ITSN1: variants seen among roughly 807,000 people sequenced by gnomAD.
The protein encoded by ITSN1 is intersectin 1.
A neutral mutation model predicts 239.8 loss-of-function variants in ITSN1; 58 were observed. The observed-to-expected ratio is 0.24, with a 90% CI of 0.20 to 0.30. The LOEUF is 0.30. ITSN1 is among the 10% of genes least tolerant of loss of function. ITSN1 has a pLI of 1.00. For missense variants in ITSN1, 1,558 were observed against 2,103.3 expected, an observed-to-expected ratio of 0.74 and a Z score of 5.07; for synonymous variants, 780 against 770.8, an observed-to-expected ratio of 1.01 and a Z score of -0.20.
At chr21:33,814,991 G>T (rs1469399429) in intron 22 of ITSN1, among the ~76,000 whole-genome samples, 2 of 152,198 alleles carry the variant, frequency 1.3e-5, no homozygotes, top group Non-Finnish European at 2.9e-5. Flanking sequence ...TGAGAATAAG[G>T]GCCCACCTTA....
rs1336511693 is a variant in ITSN1 at position 33,892,479 on chromosome 21, T to A, written c.*4179T>A. On this transcript the variant is annotated 3_prime_UTR_variant, in exon 40 of 40. Transcript: ENST00000381318. ...GACCAAATGCTTGTGTTTCTCTATG[T>A]TTTCAGTTCATTTGTTCAAATGACC... The A allele has an allele frequency of 1.3e-5, 2 of 152,244 alleles. No individual in the cohort carries two copies. Among genetic ancestry groups the A allele is most frequent in the African/African-American group, 4.8e-5 (2 of 41,448 alleles). The allele number at this position is 152,244 out of a possible 1,614,324, so 9.4% of individuals were successfully genotyped here. A position where few individuals can be genotyped will look rare whatever the true frequency, so the allele number is the denominator to read the frequency against.
At chr21:33,849,260 A>G (rs907857523) in intron 29 of ITSN1, among the ~76,000 whole-genome samples, 1 of 150,182 alleles carries the variant, frequency 6.7e-6, no homozygotes, top group African/African-American at 2.5e-5. Context: ...AAGAACAACA[A>G]CAACAAGAAA....
chr21:33,862,358 A>G (rs193143285), intron 31 of ITSN1, among the ~76,000 whole-genome samples: 1 of 152,290 alleles, frequency 6.6e-6, no homozygotes, highest in East Asian at 1.9e-4. Flanking sequence ...TCTTCTTTTT[A>G]ACTTAAGAAG....
intron 5 of ITSN1, among the ~76,000 whole-genome samples, chr21:33,745,776 G>A (rs572194758): frequency 6.6e-6 from 1 of 152,268 alleles, no homozygotes; most frequent in Non-Finnish European, 1.5e-5. Flanking sequence ...TCCTGAACTC[G>A]TGGTCATGGC....
chr21:33,741,499 C>T (rs2066844838), intron 5 of ITSN1, among the ~76,000 whole-genome samples: 1 of 151,718 alleles, frequency 6.6e-6, no homozygotes, highest in Admixed American at 6.6e-5. Flanking sequence ...GTAAACCAGT[C>T]ATCTAGATGA....
chr21:33,861,912 C>T (rs1260372873), intron 31 of ITSN1, among the ~76,000 whole-genome samples: 1 of 146,620 alleles, frequency 6.8e-6, no homozygotes, highest in African/African-American at 2.5e-5. Flanking sequence ...CACCACTGCA[C>T]TCCAGCCTGG....
chr21:33,849,051 G>A (rs1031037941), intron 29 of ITSN1, among the ~76,000 whole-genome samples: 4 of 152,152 alleles, frequency 2.6e-5, no homozygotes, highest in Admixed American at 6.5e-5. Context: ...GACCAGCCCG[G>A]CCAACATGGT....
At chr21:33,777,984 T>C (rs1370872398) in intron 14 of ITSN1, among the ~76,000 whole-genome samples, 1 of 152,198 alleles carries the variant, frequency 6.6e-6, no homozygotes, top group Non-Finnish European at 1.5e-5. Flanking sequence ...TTATGATGAA[T>C]GGGTGTTGAA....
At chr21:33,835,485 A>C (rs1019176608) in intron 28 of ITSN1, among the ~76,000 whole-genome samples, 1 of 152,236 alleles carries the variant, frequency 6.6e-6, no homozygotes, top group Non-Finnish European at 1.5e-5. Flanking sequence ...GTGCAGACTC[A>C]TCTGAAGTAG....
chr21:33,871,727 G>A (rs1482500849), intron 33 of ITSN1, among the ~76,000 whole-genome samples: 1 of 146,846 alleles, frequency 6.8e-6, no homozygotes, highest in African/African-American at 2.5e-5. Context: ...GCGACAGAGC[G>A]AGACTCAGTC....
At chr21:33,660,156 G>C (rs2089442458) in intron 1 of ITSN1, among the ~76,000 whole-genome samples, 1 of 152,122 alleles carries the variant, frequency 6.6e-6, no homozygotes, top group African/African-American at 2.4e-5. Flanking sequence ...TGCTCTTAAT[G>C]GTTGCTGCTT....
At chr21:33,750,083 A>G in intron 5 of ITSN1, 60 bp from the exon 6 acceptor site, 3 of 1,474,286 alleles carry the variant, frequency 2.0e-6, no homozygotes, top group Non-Finnish European at 2.8e-6. Context: ...TGGGTTAATT[A>G]TTATTCAGTG....
In ITSN1 at chr21:33,818,413, G is replaced by C. The variant is rs751833996; in HGVS notation, c.2874G>C (p.Lys958Asn). Residue 958 changes from lysine (K) to asparagine (N), a missense_variant, in exon 23 of 40, where the codon AAG becomes AAC. Coordinates refer to ENST00000381318, the MANE Select transcript of ITSN1 (RefSeq NM_003024.3). ...MWWFGEVQGQ[K>N]GWFPKSYVKL... ...GGTTTGGAGAAGTTCAAGGTCAGAAGGGTTGGTTCCCCAAGTCTTACGTGA... is the reference window on the plus strand; with the variant it reads ...GGTTTGGAGAAGTTCAAGGTCAGAACGGTTGGTTCCCCAAGTCTTACGTGA... 1 of 1,614,198 alleles carries C rather than the reference G, an allele frequency of 6.2e-7. No individual in the cohort carries two copies. Among genetic ancestry groups the C allele is most frequent in the South Asian group, 1.1e-5 (1 of 91,090 alleles).
rs2087478003 is a variant in ITSN1, at chr21:33,642,527, A to T, written c.-219A>T. ...TAGAGAAGAGTGGAGGCGCCAGGGGAGGGAGCGTAGCTTGGTTGCTCCGTA... is the reference window on the plus strand; with the variant it reads ...TAGAGAAGAGTGGAGGCGCCAGGGGTGGGAGCGTAGCTTGGTTGCTCCGTA... On this transcript the variant is annotated 5_prime_UTR_variant, in exon 1 of 40. Transcript: ENST00000381318. 6.5e-6 allele frequency: 1 copy of T among 152,746 alleles called. No homozygotes were observed. Among genetic ancestry groups the T allele is most frequent in the African/African-American group, 2.4e-5 (1 of 41,338 alleles). 9.5% of individuals were successfully genotyped at this position (152,746 alleles called of 1,614,324 possible).
Position 33,856,758 on chromosome 21 carries a change from G to A in ITSN1, c.3684G>A (p.Leu1228=), listed in dbSNP as rs1979417424. 6.2e-7 allele frequency: 1 copy of A among 1,613,890 alleles called. No individual in the cohort carries two copies. The highest frequency in any genetic ancestry group is 8.5e-7 in the Non-Finnish European group (1 of 1,179,984). The change falls in exon 30 of 40, where the codon TTG becomes TTA. Residue 1228 remains leucine (L), a synonymous_variant. Coordinates refer to ENST00000381318, the MANE Select transcript of ITSN1 (RefSeq NM_003024.3). The stretch of plus-strand genomic sequence containing the variant: ...CAGGGTGTTCAGACTTACATCTCTT[G>A]GATATGTTGACCCCAACTGAAAGAA... The part of the protein sequence containing the change: ...SQQWCSDLHL[L]DMLTPTERKR...
At chr21:33,772,435 A>G (rs1292891956) in intron 12 of ITSN1, 112 bp downstream of exon 12, 3 of 1,304,950 alleles carry the variant, frequency 2.3e-6, no homozygotes, top group East Asian at 5.1e-5. Flanking sequence ...CAGTAGTTTT[A>G]GTATATTCCC....
intron 5 of ITSN1, among the ~76,000 whole-genome samples, chr21:33,742,443 G>A (rs939104850): frequency 6.6e-6 from 1 of 152,204 alleles, no homozygotes; most frequent in Non-Finnish European, 1.5e-5. Context: ...TAACAGTGCA[G>A]GAGGAAGAGG....
chr21:33,821,312 G>A lies in ITSN1; in HGVS notation c.3016+1989G>A, dbSNP rs112671216. Among the ~76,000 whole-genome samples, 1,083 of 152,222 alleles carry A rather than the reference G, an allele frequency of 7.1e-3. 13 individuals carry two copies. Among genetic ancestry groups the A allele is most frequent in the African/African-American group, 0.025 (1,035 of 41,536 alleles). ...TTACAGCCAATTTTGAAATGACTTAGTTATTAGAAATATTTGGAAAGGTTG... is the reference window on the plus strand; with the variant it reads ...TTACAGCCAATTTTGAAATGACTTAATTATTAGAAATATTTGGAAAGGTTG... On this transcript the variant is annotated intron_variant, in intron 24 of 39. Transcript: ENST00000381318.
chr21:33,722,667 AC>A lies in ITSN1; in HGVS notation c.185+17del, dbSNP rs1031173472. 7.7e-6 allele frequency: 12 copies of A among 1,552,866 alleles called. No individual in the cohort carries two copies. Among genetic ancestry groups the A allele is most frequent in the Non-Finnish European group, 1.0e-5 (12 of 1,159,060 alleles). Reference sequence around the variant, plus strand: ...CACAGATATGGTAAGTTGGAATTTTACATGAAATTTTACATAAGCATAAGGC... The same window carrying A: ...CACAGATATGGTAAGTTGGAATTTTAATGAAATTTTACATAAGCATAAGGC... On this transcript the variant is annotated intron_variant, in intron 4 of 39. Coordinates refer to ENST00000381318, the MANE Select transcript of ITSN1 (RefSeq NM_003024.3).
Sources: allele counts gnomAD v4.1 joint callset (sites outside exome capture counted in the v4.1 genomes callset), GRCh38; gene constraint gnomAD v4.1.1; transcripts MANE v1.5; gene names NCBI Gene and HGNC (gene_info 2026-07-23, HGNC 2026-07-21).